Variants in TCERG1L observed in about 807,000 individuals in gnomAD.
TCERG1L encodes the protein transcription elongation regulator 1-like protein.
In TCERG1L, 37 loss-of-function variants were observed where a neutral mutation model predicts 56.3. The ratio of observed to expected loss-of-function variants is 0.66; its 90% CI spans 0.51 to 0.87. The LOEUF (loss-of-function observed/expected upper bound fraction) is 0.87, where lower values mean the gene tolerates loss of function less well. Among genes scored for constraint, TCERG1L ranks in the 40% least tolerant of loss-of-function variants. The pLI is 0.00. For synonymous variants in TCERG1L, 324 were observed against 326.3 expected (o/e 0.99, Z 0.08); for missense variants, 799 against 774.2 (o/e 1.03, Z -0.38).
At chr10:131,134,217 C>T (rs1315131815) in intron 8 of TCERG1L, among the ~76,000 whole-genome samples, 162 bp downstream of exon 8, 3 of 152,160 alleles carry the variant, frequency 2.0e-5, no homozygotes, top group Admixed American at 1.3e-4. Context: ...GGCAGGTGCC[C>T]AGGACACTGC....
chr10:131,134,819 C>G (rs575409798), intron 7 of TCERG1L, among the ~76,000 whole-genome samples: 2 of 152,248 alleles, frequency 1.3e-5, no homozygotes, highest in South Asian at 2.1e-4. Flanking sequence ...AGACCGGGGC[C>G]ACCTCTGCGG....
chr10:131,134,465 T>C lies in TCERG1L; in HGVS notation c.1190-17A>G, dbSNP rs770314063. On this transcript the variant is annotated splice_polypyrimidine_tract_variant and intron_variant, in intron 7 of 11. Transcript: ENST00000368642. ...TGTTGTCAGCTGAAAGAAAATCAGA[T>C]GAACAGGGTTAGAGTTGTCAGAGCT... The C allele has an allele frequency of 3.8e-6, 6 of 1,576,460 alleles. No individual in the cohort carries two copies. The highest frequency in any genetic ancestry group is 2.3e-5 in the East Asian group (1 of 43,354).
chr10:131,177,867 C>A (rs989913295), intron 4 of TCERG1L, among the ~76,000 whole-genome samples: 4 of 151,002 alleles, frequency 2.6e-5, no homozygotes, highest in African/African-American at 9.8e-5. Context: ...CAGCTTCTTC[C>A]CGTCTCGATC....
chr10:131,143,348 C>G (rs1383155054), intron 7 of TCERG1L, among the ~76,000 whole-genome samples: 1 of 152,146 alleles, frequency 6.6e-6, no homozygotes, highest in Non-Finnish European at 1.5e-5. Context: ...CTCCTCGACC[C>G]CTTGGAGGCA....
Position 131,115,742 on chromosome 10 carries a change from C to A in TCERG1L, c.1395+1057G>T. ...CCCTAGGGGTGGGTGGGACCAGCTC[C>A]TTCCTCCATAAAATTCCTAAGGGGT... On this transcript the variant is annotated intron_variant, in intron 9 of 11. Coordinates refer to ENST00000368642, the MANE Select transcript of TCERG1L (RefSeq NM_174937.4). Among the ~76,000 whole-genome samples, 2 of 152,158 alleles carry A rather than the reference C, an allele frequency of 1.3e-5. 1 individual carries two copies. The highest frequency in any genetic ancestry group is 2.9e-5 in the Non-Finnish European group (2 of 68,020).
rs115953511 is a variant in TCERG1L, at chr10:131,186,829, T to A, written c.857-19944A>T. Among the ~76,000 whole-genome samples, 1,410 of 152,328 alleles carry A rather than the reference T, an allele frequency of 9.3e-3. 20 individuals carry two copies. Among genetic ancestry groups the A allele is most frequent in the African/African-American group, 0.032 (1,344 of 41,562 alleles). On this transcript the variant is annotated intron_variant, in intron 4 of 11. Coordinates refer to ENST00000368642, the MANE Select transcript of TCERG1L (RefSeq NM_174937.4). ...ATTGGTTGATTTTTGTTTTTTCTCATCGGCTGGTTTTTGTTTTCTCCTCCC... is the reference window on the plus strand; with the variant it reads ...ATTGGTTGATTTTTGTTTTTTCTCAACGGCTGGTTTTTGTTTTCTCCTCCC...
intron 6 of TCERG1L, among the ~76,000 whole-genome samples, chr10:131,147,172 A>G (rs1486923072): frequency 6.6e-6 from 1 of 152,180 alleles, no homozygotes; most frequent in African/African-American, 2.4e-5. Flanking sequence ...ATTAGCAACC[A>G]CAGCCCCGGT....
intron 5 of TCERG1L, among the ~76,000 whole-genome samples, chr10:131,166,447 T>A (rs1846031338): frequency 1.3e-5 from 2 of 152,252 alleles, no homozygotes; most frequent in South Asian, 4.1e-4. Flanking sequence ...GAAATTAGAA[T>A]GAGTGTGTTG....
intron 4 of TCERG1L, among the ~76,000 whole-genome samples, chr10:131,247,524 C>CTGAGGCTTATGAATGTGAGA (rs556177893): frequency 0.038 from 5,812 of 152,160 alleles, 189 homozygotes; most frequent in Non-Finnish European, 0.061. Flanking sequence ...GGTCGAGGCC[C>CTGAGGCTTATGAATGTGAGA]TGAGGCTTAT....
At chr10:131,214,457 C>T (rs1241399617) in intron 4 of TCERG1L, among the ~76,000 whole-genome samples, 1 of 152,212 alleles carries the variant, frequency 6.6e-6, no homozygotes, top group Non-Finnish European at 1.5e-5. Flanking sequence ...GAGTTTGGAA[C>T]CCCTTCCAAG....
Position 131,260,897 on chromosome 10 carries a change from G to A in TCERG1L, c.671-453C>T, listed in dbSNP as rs1846231600. On this transcript the variant is annotated intron_variant, in intron 3 of 11. Coordinates refer to ENST00000368642, the MANE Select transcript of TCERG1L (RefSeq NM_174937.4). This position sits in a 1 kb window ranked among gnomAD's most constrained non-coding sequence, Gnocchi z 5.8. Reference sequence around the variant, plus strand: ...GAAGGGGCAGCTGTGGGCCAGGGTGGAGAGAGGTTTCCAGAGGACACCAGG... The same window carrying A: ...GAAGGGGCAGCTGTGGGCCAGGGTGAAGAGAGGTTTCCAGAGGACACCAGG... Among the ~76,000 whole-genome samples, 1 of 152,162 alleles carries A rather than the reference G, an allele frequency of 6.6e-6. No individual in the cohort carries two copies. The highest frequency in any genetic ancestry group is 2.4e-5 in the African/African-American group (1 of 41,418).
chr10:131,298,727 T>C (rs1363112056), intron 3 of TCERG1L, among the ~76,000 whole-genome samples: 3 of 152,254 alleles, frequency 2.0e-5, no homozygotes, highest in Non-Finnish European at 4.4e-5. Flanking sequence ...CTTTTAATTA[T>C]TTAAAATTTT....
At chr10:131,190,830 C>T (rs1349115162) in intron 4 of TCERG1L, among the ~76,000 whole-genome samples, 1 of 143,660 alleles carries the variant, frequency 7.0e-6, no homozygotes, top group Non-Finnish European at 1.5e-5. Context: ...CCTAGTTTTG[C>T]CACTCTTATT....
At chr10:131,243,929 T>A (rs1846000285) in intron 4 of TCERG1L, among the ~76,000 whole-genome samples, 2 of 152,208 alleles carry the variant, frequency 1.3e-5, no homozygotes, top group Non-Finnish European at 2.9e-5. Flanking sequence ...GTGAGCTACA[T>A]AAACAGCCAT....
chr10:131,287,939 A>T (rs761736722), intron 3 of TCERG1L, among the ~76,000 whole-genome samples: 1 of 152,204 alleles, frequency 6.6e-6, no homozygotes, highest in Non-Finnish European at 1.5e-5. Context: ...GATGTCACTC[A>T]TTCAACAACA....
intron 6 of TCERG1L, among the ~76,000 whole-genome samples, chr10:131,156,697 G>A (rs922943812): frequency 6.6e-6 from 1 of 152,108 alleles, no homozygotes; most frequent in Non-Finnish European, 1.5e-5. Flanking sequence ...GAAAAGCACT[G>A]TGAAAATCCC....
intron 3 of TCERG1L, among the ~76,000 whole-genome samples, chr10:131,292,566 C>T (rs1482592481): frequency 6.6e-6 from 1 of 152,180 alleles, no homozygotes; most frequent in Non-Finnish European, 1.5e-5. Context: ...TACAGTTTCA[C>T]CGTATTCCAT....
chr10:131,191,747 C>T (rs576699322), intron 4 of TCERG1L, among the ~76,000 whole-genome samples: 3 of 139,574 alleles, frequency 2.1e-5, no homozygotes, highest in East Asian at 3.9e-4. Context: ...AACTTGTAGT[C>T]CCAGCTACTC....
Position 131,260,783 on chromosome 10 carries a change from G to A in TCERG1L, c.671-339C>T, listed in dbSNP as rs1846230391. Among the ~76,000 whole-genome samples the A allele has an allele frequency of 6.6e-6, 1 of 152,216 alleles. No individual in the cohort carries two copies. Among genetic ancestry groups the A allele is most frequent in the Non-Finnish European group, 1.5e-5 (1 of 68,040 alleles). ...TGCCAGTGTGTTAAGTACCTAATCA[G>A]AAGTGACCATGAACAGCACTCAGTG... On this transcript the variant is annotated intron_variant, in intron 3 of 11. Transcript: ENST00000368642. This position sits in a 1 kb window ranked among gnomAD's most constrained non-coding sequence, Gnocchi z 5.8.
Sources: allele counts gnomAD v4.1 joint callset (sites outside exome capture counted in the v4.1 genomes callset), GRCh38; gene constraint gnomAD v4.1.1; non-coding constraint Gnocchi (gnomAD v3.1); transcripts MANE v1.5; gene names NCBI Gene and HGNC (gene_info 2026-07-23, HGNC 2026-07-21).